The following ZFAT variants were observed in gnomAD, a reference collection of about 807,000 sequenced individuals.
ZFAT encodes the protein zinc finger and AT-hook domain containing.
A neutral mutation model predicts 117.7 loss-of-function variants in ZFAT; 64 were observed. The observed-to-expected ratio is 0.54, with a 90% CI of 0.44 to 0.67. The LOEUF (loss-of-function observed/expected upper bound fraction) is 0.67, where lower values mean the gene tolerates loss of function less well. ZFAT is among the 30% of genes least tolerant of loss of function. The pLI is 0.00. For synonymous variants in ZFAT, 679 were observed against 615.0 expected, an observed-to-expected ratio of 1.10 and a Z score of -1.54; for missense variants, 1,433 against 1,584.5, an observed-to-expected ratio of 0.90 and a Z score of 1.62.
chr8:134,619,983 T>C lies in ZFAT; in HGVS notation c.449-9328A>G, dbSNP rs189619598. On this transcript the variant is annotated intron_variant, in intron 3 of 15. Transcript: ENST00000377838. The stretch of plus-strand genomic sequence containing the variant: ...TGCAGGAGCAGAAGTTTAGAAAGAG[T>C]GCAGAGAGGAACCAGCCGAACAGCT... Among the ~76,000 whole-genome samples, 51 of 151,982 alleles carry C rather than the reference T, an allele frequency of 3.4e-4. 1 individual carries two copies. The highest frequency in any genetic ancestry group is 1.2e-3 in the African/African-American group (51 of 41,426).
At chr8:134,770,091 G>A in the ZFAT span, among the ~76,000 whole-genome samples, 95 of 152,328 alleles carry the variant, frequency 6.2e-4, no homozygotes, top group African/African-American at 2.1e-3. Flanking sequence ...ACATGCCCTG[G>A]AGACATTTTC....
chr8:134,595,748 T>C (rs1001738046), intron 7 of ZFAT, among the ~76,000 whole-genome samples: 2 of 152,166 alleles, frequency 1.3e-5, no homozygotes, highest in African/African-American at 4.8e-5. Flanking sequence ...AAGGAGGTAG[T>C]GGGAAGAAAC....
chr8:134,778,700 A>G, the ZFAT span, among the ~76,000 whole-genome samples: 2 of 152,244 alleles, frequency 1.3e-5, no homozygotes, highest in African/African-American at 4.8e-5. Context: ...AAGCACAGAC[A>G]AGGGTATCAG....
chr8:134,612,180 G>C (rs529758450), intron 3 of ZFAT, among the ~76,000 whole-genome samples: 1 of 152,344 alleles, frequency 6.6e-6, no homozygotes, highest in African/African-American at 2.4e-5. Context: ...AAATGCACAG[G>C]GAACAATTCC....
At position 134,480,448 on chromosome 8, in the gene ZFAT, C is replaced by T. The variant is rs774461195; in HGVS notation, c.3493-1727G>A. 1.2e-3 allele frequency among the ~76,000 whole-genome samples: 190 copies of T among 152,236 alleles called. 3 individuals carry two copies. The highest frequency in any genetic ancestry group is 3.1e-4 in the Non-Finnish European group (21 of 68,044). The stretch of plus-strand genomic sequence containing the variant: ...CCAGAGCCAAGCTGAATGCCTGGCA[C>T]ACAGCATGTGCTCAATATTTACTGA... On this transcript the variant is annotated intron_variant, in intron 15 of 15. Transcript: ENST00000377838.
rs201828593 is a variant in ZFAT at position 134,610,589 on chromosome 8, C to T, written c.515G>A (p.Arg172Lys). ...KEDDREKASK[R>K]PRSQKTEKVQ... Reference sequence around the variant, plus strand: ...TTTCTCTGTTTTCTGTGACCGTGGTCTTTTCGAGGCTTTTTCCCGATCATC... The same window carrying T: ...TTTCTCTGTTTTCTGTGACCGTGGTTTTTTCGAGGCTTTTTCCCGATCATC... Residue 172 changes from arginine (R) to lysine (K), a missense_variant, in exon 4 of 16, where the codon AGA becomes AAA. Transcript: ENST00000377838. 3.7e-6 allele frequency: 6 copies of T among 1,614,102 alleles called. No individual in the cohort carries two copies. Among genetic ancestry groups the T allele is most frequent in the Non-Finnish European group, 4.2e-6 (5 of 1,180,054 alleles).
intron 7 of ZFAT, chr8:134,599,775 C>A: frequency 2.2e-6 from 1 of 456,114 alleles, no homozygotes; most frequent in Non-Finnish European, 4.4e-6. Context: ...AGTCTCAAAT[C>A]ACTCTCAGGT....
the ZFAT span, among the ~76,000 whole-genome samples, chr8:134,731,621 A>G: frequency 6.6e-6 from 1 of 152,254 alleles, no homozygotes; most frequent in African/African-American, 2.4e-5. Context: ...GTTTTTGAAA[A>G]TTCATTAAGG....
chr8:134,549,314 A>G (rs1822953336), intron 11 of ZFAT, among the ~76,000 whole-genome samples: 1 of 152,106 alleles, frequency 6.6e-6, no homozygotes, highest in East Asian at 1.9e-4. Flanking sequence ...GGGGGCAGGC[A>G]CCTGTACTCC....
At chr8:134,481,806 C>A (rs1478745210) in intron 15 of ZFAT, among the ~76,000 whole-genome samples, 1 of 152,216 alleles carries the variant, frequency 6.6e-6, no homozygotes, top group Non-Finnish European at 1.5e-5. Context: ...AGTAACTCTG[C>A]AGCAGCAGCG....
intron 15 of ZFAT, among the ~76,000 whole-genome samples, chr8:134,494,112 G>A (rs766122853): frequency 3.9e-5 from 6 of 152,106 alleles, no homozygotes; most frequent in African/African-American, 7.2e-5. Context: ...AGCATTGCCC[G>A]GTCCTCACAC....
intron 11 of ZFAT, among the ~76,000 whole-genome samples, chr8:134,540,849 C>T (rs1445222947): frequency 1.3e-5 from 2 of 152,134 alleles, no homozygotes; most frequent in Non-Finnish European, 2.9e-5. Flanking sequence ...TATATCTAAC[C>T]ATCAATTTAG....
At chr8:134,680,713 T>C (rs1007580365) in intron 1 of ZFAT, among the ~76,000 whole-genome samples, 1 of 152,110 alleles carries the variant, frequency 6.6e-6, no homozygotes, top group African/African-American at 2.4e-5. Context: ...AACTATTAGG[T>C]TGGGATAATA....
the ZFAT span, among the ~76,000 whole-genome samples, chr8:134,829,212 G>GAGGCCC: frequency 1.3e-5 from 2 of 152,216 alleles, no homozygotes; most frequent in Admixed American, 1.3e-4. Context: ...AGCTTTGAAT[G>GAGGCCC]AGGCCCAACA....
chr8:134,822,064 T>C, the ZFAT span, among the ~76,000 whole-genome samples: 1 of 152,140 alleles, frequency 6.6e-6, no homozygotes, highest in Non-Finnish European at 1.5e-5. Flanking sequence ...ATCAAAATTG[T>C]ATTTATTCTA....
intron 12 of ZFAT, among the ~76,000 whole-genome samples, chr8:134,531,301 G>A (rs1403603186): frequency 6.6e-6 from 1 of 152,182 alleles, no homozygotes; most frequent in Non-Finnish European, 1.5e-5. Flanking sequence ...CAACCCAAGA[G>A]TGTGAAGGAT....
At chr8:134,788,716 A>G in the ZFAT span, among the ~76,000 whole-genome samples, 1 of 152,104 alleles carries the variant, frequency 6.6e-6, no homozygotes, top group African/African-American at 2.4e-5. Flanking sequence ...TTCTCTTCTT[A>G]TATGTCATTC....
chr8:134,641,438 T>G (rs117043869), intron 2 of ZFAT, among the ~76,000 whole-genome samples: 2 of 152,140 alleles, frequency 1.3e-5, no homozygotes, highest in Non-Finnish European at 2.9e-5. Flanking sequence ...AATCCTAACA[T>G]GTCCGGTCCA....
chr8:134,567,561 T>C (rs534920849), intron 10 of ZFAT, among the ~76,000 whole-genome samples: 6 of 152,114 alleles, frequency 3.9e-5, no homozygotes, highest in Non-Finnish European at 7.4e-5. Context: ...ATCCAGATGA[T>C]GTACAGCATA....
Sources: allele counts gnomAD v4.1 joint callset (sites outside exome capture counted in the v4.1 genomes callset), GRCh38; gene constraint gnomAD v4.1.1; transcripts MANE v1.5; gene names NCBI Gene and HGNC (gene_info 2026-07-23, HGNC 2026-07-21).